Variants in POLR3C observed in about 807,000 individuals in gnomAD.
The protein encoded by POLR3C is RNA polymerase III subunit C.
POLR3C carries 44 observed loss-of-function variants against 65.9 expected under a neutral mutation model. That is an observed-to-expected ratio of 0.67 (90% CI 0.52 to 0.86). The LOEUF is 0.86. Ranked by LOEUF, POLR3C falls within the 40% of genes least tolerant of loss-of-function variation. The pLI, the probability that POLR3C is intolerant of heterozygous loss-of-function variation, is 0.00. For missense variants in POLR3C, 576 were observed against 653.2 expected, an observed-to-expected ratio of 0.88 and a Z score of 1.29; for synonymous variants, 263 against 231.6, an observed-to-expected ratio of 1.14 and a Z score of -1.23.
In POLR3C at chr1:145,842,531, C is replaced by T; in HGVS notation, c.*111C>T. On this transcript the variant is annotated 3_prime_UTR_variant, in exon 15 of 15. Coordinates refer to ENST00000334163, the MANE Select transcript of POLR3C (RefSeq NM_006468.8). ...TAAGTCGCAGAGTCTTCAACTAAAC[C>T]CCCCTCTCTATCCCCTGCAGCCCAG... 2.6e-6 allele frequency: 2 copies of T among 775,482 alleles called. No individual in the cohort carries two copies. Among genetic ancestry groups the T allele is most frequent in the Non-Finnish European group, 4.6e-6 (2 of 436,068 alleles). The allele number at this position is 775,482 out of a possible 1,614,324, so 48.0% of individuals were successfully genotyped here. A position where few individuals can be genotyped will look rare whatever the true frequency, so the allele number is the denominator to read the frequency against.
Position 145,824,351 on chromosome 1 carries a change from G to T in POLR3C, c.-39G>T, listed in dbSNP as rs1383379259. Reference sequence around the variant, plus strand: ...CAGCCGAATTGGAGTTGGAGCCCCCGGATTGCGCTGACCCTGAGGTTAGTG... The same window carrying T: ...CAGCCGAATTGGAGTTGGAGCCCCCTGATTGCGCTGACCCTGAGGTTAGTG... On this transcript the variant is annotated 5_prime_UTR_variant, in exon 1 of 15. Transcript: ENST00000334163. 1.8e-5 allele frequency: 6 copies of T among 327,408 alleles called. No homozygotes were observed. The highest frequency in any genetic ancestry group is 3.6e-5 in the Non-Finnish European group (6 of 165,762). 20.3% of individuals were successfully genotyped at this position (327,408 alleles called of 1,614,324 possible).
intron 4 of POLR3C, among the ~76,000 whole-genome samples, chr1:145,827,417 G>T (rs773896733): frequency 6.6e-6 from 1 of 152,160 alleles, no homozygotes; most frequent in Non-Finnish European, 1.5e-5. Flanking sequence ...AGGAGTTCGA[G>T]ACCAGCCTGG....
Position 145,826,820 on chromosome 1 carries a change from A to G in POLR3C, c.404A>G (p.Asp135Gly), listed in dbSNP as rs781809062. Residue 135 changes from aspartate to glycine, a missense_variant and splice_region_variant, in exon 4 of 15, where the codon GAT becomes GGT. Asp to Gly is a moderately conservative substitution (Grantham distance 94). Transcript: ENST00000334163. ...VADRLTETMEDGKTMDYAEVS... is the reference protein window; with the variant it reads ...VADRLTETMEGGKTMDYAEVS... ...CTGCCTTTTTCCTCCTGTTATACAGATGGCAAGACCATGGACTATGCTGAA... is the reference window on the plus strand; with the variant it reads ...CTGCCTTTTTCCTCCTGTTATACAGGTGGCAAGACCATGGACTATGCTGAA... 9 of 1,607,192 alleles carry G rather than the reference A, an allele frequency of 5.6e-6. No homozygotes were observed. In the African/African-American group the frequency reaches 9.4e-5, roughly 17 times the overall value.
At chr1:145,838,553 C>T (rs1652041203) in intron 11 of POLR3C, among the ~76,000 whole-genome samples, 1 of 152,024 alleles carries the variant, frequency 6.6e-6, no homozygotes, top group Non-Finnish European at 1.5e-5. Flanking sequence ...CCTGGTGGCA[C>T]ACGCCTATAG....
intron 5 of POLR3C, among the ~76,000 whole-genome samples, chr1:145,831,514 CAAAA>C (rs57887653): frequency 1.1e-5 from 1 of 92,728 alleles, no homozygotes; most frequent in Non-Finnish European, 2.2e-5. Context: ...AACTCCATCT[CAAAA>C]AAAAAAAAAA....
intron 11 of POLR3C, 28 bp downstream of exon 11, chr1:145,838,234 C>G: frequency 6.2e-7 from 1 of 1,601,262 alleles, no homozygotes; most frequent in Non-Finnish European, 8.6e-7. Flanking sequence ...TAATAATTGC[C>G]AACCAGCAAA....
intron 7 of POLR3C, among the ~76,000 whole-genome samples, chr1:145,836,119 CTTTT>C (rs77530377): frequency 7.5e-6 from 1 of 133,216 alleles, no homozygotes. Context: ...AAAATTAAAA[CTTTT>C]TTTTTTTTTT....
intron 1 of POLR3C, among the ~76,000 whole-genome samples, chr1:145,825,369 C>A (rs1254014786): frequency 6.6e-6 from 1 of 152,142 alleles, no homozygotes; most frequent in Non-Finnish European, 1.5e-5. Flanking sequence ...CCTCGGTCTC[C>A]CAAAGTGCTA....
At chr1:145,830,906 C>G (rs587678533) in intron 5 of POLR3C, among the ~76,000 whole-genome samples, 2 of 151,880 alleles carry the variant, frequency 1.3e-5, no homozygotes, top group African/African-American at 4.8e-5. Context: ...GAGTTTGAGA[C>G]CAGCCTGGAC....
intron 7 of POLR3C, among the ~76,000 whole-genome samples, chr1:145,834,157 A>C (rs1651587099): frequency 6.6e-6 from 1 of 152,192 alleles, no homozygotes; most frequent in Non-Finnish European, 1.5e-5. Context: ...TACTGTAGGC[A>C]GTTGTAACGC....
At position 145,824,629 on chromosome 1, in the gene POLR3C, T is replaced by C; in HGVS notation, c.-21+260T>C. Reference sequence around the variant, plus strand: ...GGAATTGGAAGAAATAAGTAAACAATGTTTGGTAGCAATTTGTAATAAGGA... The same window carrying C: ...GGAATTGGAAGAAATAAGTAAACAACGTTTGGTAGCAATTTGTAATAAGGA... On this transcript the variant is annotated intron_variant, in intron 1 of 14. Transcript: ENST00000334163. 4 of 725,970 alleles carry C rather than the reference T, an allele frequency of 5.5e-6. No individual in the cohort carries two copies. In the South Asian group the frequency reaches 5.8e-5, roughly 11 times the overall value. The allele number at this position is 725,970 out of a possible 1,614,324, so 45.0% of individuals were successfully genotyped here.
At position 145,828,827 on chromosome 1, in the gene POLR3C, A is replaced by G. The variant is rs1651050233; in HGVS notation, c.668A>G (p.Asp223Gly). Reference sequence around the variant, plus strand: ...GCCAAGAGACCAAAATATACTACAGATAACAAGGAGGTAATGGGGCTTCTT... The same window carrying G: ...GCCAAGAGACCAAAATATACTACAGGTAACAAGGAGGTAATGGGGCTTCTT... ...PKAKRPKYTT[D>G]NKEPIPDDGI... The change falls in exon 5 of 15, where the codon GAT (aspartate) becomes GGT (glycine). Residue 223 changes from aspartate to glycine, a missense_variant. Asp to Gly is a moderately conservative substitution (Grantham distance 94, BLOSUM62 -1). Transcript: ENST00000334163. The G allele has an allele frequency of 1.9e-6, 3 of 1,572,040 alleles. No individual in the cohort carries two copies. The highest frequency in any genetic ancestry group is 4.5e-5 in the East Asian group (2 of 44,658).
intron 14 of POLR3C, among the ~76,000 whole-genome samples, chr1:145,841,599 G>A (rs1463067692): frequency 6.6e-6 from 1 of 152,092 alleles, no homozygotes; most frequent in African/African-American, 2.4e-5. Context: ...GCTTATTTCA[G>A]TTTTAGATTG....
chr1:145,840,044 CAT>C (rs1210630854), intron 12 of POLR3C, 53 bp downstream of exon 12: 1 of 1,482,812 alleles, frequency 6.7e-7, no homozygotes. Flanking sequence ...AAGTACCCCT[CAT>C]GTGCCCACTT....
Position 145,842,853 on chromosome 1 carries a change from C to G in POLR3C, c.*433C>G, listed in dbSNP as rs1262323680. 7.2e-6 allele frequency among the ~76,000 whole-genome samples: 1 copy of G among 137,948 alleles called. No homozygotes were observed. Among genetic ancestry groups the G allele is most frequent in the African/African-American group, 3.2e-5 (1 of 31,412 alleles). 90.5% of individuals were successfully genotyped at this position (137,948 alleles called of 152,430 possible). A position where few individuals can be genotyped will look rare whatever the true frequency, so the allele number is the denominator to read the frequency against. On this transcript the variant is annotated 3_prime_UTR_variant, in exon 15 of 15. Transcript: ENST00000334163. ...GTTGAGACAGGATCTCACTCTGTCA[C>G]TCAGGCTGGGGTGTAATAGCGCAAT... is the stretch of plus-strand genomic sequence containing the variant.
intron 7 of POLR3C, among the ~76,000 whole-genome samples, chr1:145,833,841 C>A (rs1307831109): frequency 6.6e-6 from 1 of 152,136 alleles, no homozygotes; most frequent in Non-Finnish European, 1.5e-5. Context: ...TTTAAGAATC[C>A]ACAATTTGGA....
chr1:145,834,947 C>T (rs1484772443), intron 7 of POLR3C, among the ~76,000 whole-genome samples: 1 of 151,442 alleles, frequency 6.6e-6, no homozygotes, highest in African/African-American at 2.4e-5. Context: ...GAAGACCAAC[C>T]TGGGCAACAT....
intron 5 of POLR3C, 111 bp from the exon 6 acceptor site, chr1:145,833,149 A>C: frequency 1.5e-6 from 1 of 648,182 alleles, no homozygotes; most frequent in Non-Finnish European, 2.7e-6. Context: ...TTTTTTTCCA[A>C]CCAATGTAAT....
chr1:145,840,154 C>A lies in POLR3C; in HGVS notation c.1362C>A (p.Thr454=). 6.3e-7 allele frequency: 1 copy of A among 1,590,166 alleles called. No individual in the cohort carries two copies. Among genetic ancestry groups the A allele is most frequent in the Non-Finnish European group, 8.6e-7 (1 of 1,158,182 alleles). Reference sequence around the variant, plus strand: ...TGATAGAAAGGAGGCAATTTGAAACCAAAGAGAATAAGTAAGTAACATTTT... The same window carrying A: ...TGATAGAAAGGAGGCAATTTGAAACAAAAGAGAATAAGTAAGTAACATTTT... ...ANLIERRQFE[T]KENKRLLEKS... is the part of the protein sequence containing the mutation. The change falls in exon 13 of 15, where the codon ACC becomes ACA. Residue 454 remains threonine, a synonymous_variant. Transcript: ENST00000334163.
Sources: gnomAD v4.1 joint callset for allele counts (sites outside exome capture counted in the v4.1 genomes callset) on GRCh38, gnomAD v4.1.1 for gene constraint, MANE v1.5 for transcripts, NCBI Gene and HGNC (gene_info 2026-07-23, HGNC 2026-07-21) for gene names.